Variants in ELMO1 observed in about 807,000 individuals in gnomAD.
ELMO1 encodes the protein engulfment and cell motility protein 1.
ELMO1 carries 26 observed loss-of-function variants against 98.9 expected under a neutral mutation model. That is an observed-to-expected ratio of 0.26 (90% CI 0.19 to 0.36). The LOEUF (loss-of-function observed/expected upper bound fraction) is 0.36, where lower values mean the gene tolerates loss of function less well. ELMO1 is among the 10% of genes least tolerant of loss of function. The pLI is 1.00. For synonymous variants in ELMO1, 346 were observed against 346.0 expected, an observed-to-expected ratio of 1.00 and a Z score of 0.00; for missense variants, 627 against 935.2, an observed-to-expected ratio of 0.67 and a Z score of 4.30.
At chr7:37,104,975 G>T (rs562494921) in intron 14 of ELMO1, among the ~76,000 whole-genome samples, 21 of 152,154 alleles carry the variant, frequency 1.4e-4, no homozygotes, top group Non-Finnish European at 2.6e-4. Flanking sequence ...TTAGGCAATT[G>T]CACATACAGA....
At chr7:37,175,756 A>G (rs1400418404) in intron 13 of ELMO1, among the ~76,000 whole-genome samples, 1 of 152,238 alleles carries the variant, frequency 6.6e-6, no homozygotes, top group Non-Finnish European at 1.5e-5. Context: ...CTGAGGCACC[A>G]GAATCACTTG....
At chr7:37,023,087 T>TCTTCCAAACA (rs1217478861) in intron 15 of ELMO1, among the ~76,000 whole-genome samples, 4 of 152,198 alleles carry the variant, frequency 2.6e-5, no homozygotes, top group African/African-American at 9.6e-5. Flanking sequence ...AACAGGGTAT[T>TCTTCCAAACA]GGTTCTTTTG....
At chr7:37,254,194 C>A (rs988351671) in intron 6 of ELMO1, among the ~76,000 whole-genome samples, 4 of 152,144 alleles carry the variant, frequency 2.6e-5, no homozygotes, top group Non-Finnish European at 5.9e-5. Flanking sequence ...AATAGCGTAA[C>A]TTTGAATTTA....
rs141699833 is a variant in ELMO1, at chr7:36,884,022, C to T, written c.1714+3538G>A. Among the ~76,000 whole-genome samples, 191 of 152,184 alleles carry T rather than the reference C, an allele frequency of 1.3e-3. 1 individual carries two copies. Among genetic ancestry groups the T allele is most frequent in the African/African-American group, 4.3e-3 (180 of 41,536 alleles). Reference sequence around the variant, plus strand: ...CTCCCATGCTACTCCACCTCCTGTGCTTAGAAATATACATTCTGGCCAAGT... The same window carrying T: ...CTCCCATGCTACTCCACCTCCTGTGTTTAGAAATATACATTCTGGCCAAGT... On this transcript the variant is annotated intron_variant, in intron 18 of 21. Coordinates refer to ENST00000310758, the MANE Select transcript of ELMO1 (RefSeq NM_014800.11).
chr7:37,246,043 T>C (rs1279727897), intron 6 of ELMO1, among the ~76,000 whole-genome samples: 1 of 152,160 alleles, frequency 6.6e-6, no homozygotes, highest in East Asian at 1.9e-4. Context: ...ATTTCCACAG[T>C]GTAACGACTC....
intron 5 of ELMO1, among the ~76,000 whole-genome samples, chr7:37,267,762 T>C (rs999991622): frequency 3.3e-5 from 5 of 152,238 alleles, no homozygotes; most frequent in Non-Finnish European, 7.3e-5. Flanking sequence ...TTTCCCTTGT[T>C]CATAGCTTTT....
chr7:36,917,987 A>T (rs1157907824), intron 16 of ELMO1, among the ~76,000 whole-genome samples: 1 of 152,254 alleles, frequency 6.6e-6, no homozygotes. Context: ...AGTCTATATT[A>T]CAGAGATTTA....
At chr7:37,363,946 A>AC (rs987871996) in intron 1 of ELMO1, among the ~76,000 whole-genome samples, 3 of 151,936 alleles carry the variant, frequency 2.0e-5, no homozygotes, top group African/African-American at 7.3e-5. Flanking sequence ...AAGGACTCTA[A>AC]CCCCCCACAG....
intron 14 of ELMO1, among the ~76,000 whole-genome samples, chr7:37,123,557 G>A (rs530491479): frequency 7.8e-4 from 119 of 152,166 alleles, no homozygotes; most frequent in Middle Eastern, 3.4e-3. Flanking sequence ...TAAATTCCTC[G>A]ACACATACAC....
At chr7:37,430,180 C>T (rs950560963) in intron 1 of ELMO1, among the ~76,000 whole-genome samples, 1 of 152,212 alleles carries the variant, frequency 6.6e-6, no homozygotes, top group African/African-American at 2.4e-5. Flanking sequence ...TCCCGAAGAG[C>T]TCCACCAGGA....
At chr7:37,029,272 C>T (rs1794748880) in intron 15 of ELMO1, among the ~76,000 whole-genome samples, 1 of 152,130 alleles carries the variant, frequency 6.6e-6, no homozygotes, top group South Asian at 2.1e-4. Flanking sequence ...AGACCACAGG[C>T]CTCTTTGATC....
At chr7:36,983,281 AT>A (rs1180075218) in intron 16 of ELMO1, among the ~76,000 whole-genome samples, 1 of 152,228 alleles carries the variant, frequency 6.6e-6, no homozygotes, top group Non-Finnish European at 1.5e-5. Context: ...CCAATGGGGC[AT>A]TTTGTGATGG....
chr7:37,111,692 G>A (rs1186079739), intron 14 of ELMO1, among the ~76,000 whole-genome samples: 1 of 152,180 alleles, frequency 6.6e-6, no homozygotes, highest in African/African-American at 2.4e-5. Flanking sequence ...TACAATGATA[G>A]TGAGAATTCA....
Position 36,853,581 on chromosome 7 carries a change from G to A in ELMO1, c.*1970C>T, listed in dbSNP as rs988387656. On this transcript the variant is annotated 3_prime_UTR_variant, in exon 22 of 22. Transcript: ENST00000310758. Reference sequence around the variant, plus strand: ...AAGGAATTAACAGCTTGACACAGGTGTGAGTGCTCTGATGGGAAGAAGGAA... The same window carrying A: ...AAGGAATTAACAGCTTGACACAGGTATGAGTGCTCTGATGGGAAGAAGGAA... Among the ~76,000 whole-genome samples, 6 of 152,240 alleles carry A rather than the reference G, an allele frequency of 3.9e-5. No homozygotes were observed. Among genetic ancestry groups the A allele is most frequent in the Admixed American group, 3.9e-4 (6 of 15,286 alleles).
At chr7:37,097,050 C>G (rs930792494) in intron 14 of ELMO1, among the ~76,000 whole-genome samples, 1 of 152,336 alleles carries the variant, frequency 6.6e-6, no homozygotes, top group African/African-American at 2.4e-5. Context: ...ACTCTCTTGT[C>G]CTCCCATTTC....
chr7:37,118,357 A>G (rs549801344), intron 14 of ELMO1, among the ~76,000 whole-genome samples: 1 of 152,250 alleles, frequency 6.6e-6, no homozygotes, highest in East Asian at 1.9e-4. Context: ...TGTTTATAAT[A>G]TACTCGTGTG....
chr7:37,232,758 G>C (rs1472648249), intron 8 of ELMO1, among the ~76,000 whole-genome samples: 1 of 152,162 alleles, frequency 6.6e-6, no homozygotes, highest in Non-Finnish European at 1.5e-5. Context: ...GGGATTAAAG[G>C]CTCAAGAAGG....
chr7:36,894,815 A>G (rs1418544615), intron 17 of ELMO1, 39 bp downstream of exon 17: 2 of 1,613,064 alleles, frequency 1.2e-6, no homozygotes, highest in South Asian at 1.1e-5. Context: ...AGTGGGTTAG[A>G]GTCTTTTGGG....
At chr7:37,212,722 C>T (rs1030359690) in intron 12 of ELMO1, among the ~76,000 whole-genome samples, 5 of 152,200 alleles carry the variant, frequency 3.3e-5, no homozygotes. Flanking sequence ...AGCTGCAGCG[C>T]TGTTTAAGTT....
Sources: gnomAD v4.1 joint callset for allele counts (sites outside exome capture counted in the v4.1 genomes callset) on GRCh38, gnomAD v4.1.1 for gene constraint, MANE v1.5 for transcripts, NCBI Gene and HGNC (gene_info 2026-07-23, HGNC 2026-07-21) for gene names.